STAT5B: variants seen among roughly 807,000 people sequenced by gnomAD.
STAT5B encodes the protein signal transducer and activator of transcription 5B.
STAT5B carries 21 observed loss-of-function variants against 107.8 expected under a neutral mutation model. That is an observed-to-expected ratio of 0.19 (90% confidence interval 0.14 to 0.28). The LOEUF (loss-of-function observed/expected upper bound fraction) is 0.28, where lower values mean the gene tolerates loss of function less well. Among genes scored for constraint, STAT5B ranks in the 10% least tolerant of loss-of-function variants. STAT5B has a pLI of 1.00. For missense variants in STAT5B, 565 were observed against 1,008.2 expected (o/e 0.56, Z 5.95); for synonymous variants, 325 against 401.7 (o/e 0.81, Z 2.28).
the STAT5B span, among the ~76,000 whole-genome samples, chr17:42,287,337 C>CGCCCG: frequency 5.8e-4 from 87 of 151,140 alleles, no homozygotes; most frequent in Middle Eastern, 3.4e-3. Context: ...TGCACCCCCC[C>CGCCCG]CAACAGAACA....
At chr17:42,218,396 T>C in intron 8 of STAT5B, 66 bp from the exon 9 acceptor site, 1 of 1,576,530 alleles carries the variant, frequency 6.3e-7, no homozygotes, top group Non-Finnish European at 8.6e-7. Context: ...TCTCAGTCCC[T>C]CTGTGGTGGG....
chr17:42,227,143 A>ATAAATAAATAAAT (rs1410298861), intron 3 of STAT5B, among the ~76,000 whole-genome samples: 1 of 148,090 alleles, frequency 6.8e-6, no homozygotes, highest in African/African-American at 2.5e-5. Context: ...TCAAAAATAA[A>ATAAATAAATAAAT]TAAATAAATA....
At chr17:42,253,511 T>C (rs1231368772) in intron 1 of STAT5B, among the ~76,000 whole-genome samples, 1 of 152,200 alleles carries the variant, frequency 6.6e-6, no homozygotes, top group East Asian at 1.9e-4. Flanking sequence ...TTGGGAGATG[T>C]AGGGGCAGGG....
At chr17:42,266,858 A>C (rs756235693) in intron 1 of STAT5B, among the ~76,000 whole-genome samples, 4 of 152,208 alleles carry the variant, frequency 2.6e-5, no homozygotes, top group Non-Finnish European at 5.9e-5. Flanking sequence ...GAGAAAGGCC[A>C]ATCTCTTCAT....
intron 1 of STAT5B, among the ~76,000 whole-genome samples, chr17:42,262,904 ATGTG>A (rs1327887435): frequency 1.5e-4 from 18 of 120,698 alleles, no homozygotes; most frequent in African/African-American, 5.1e-4. Flanking sequence ...GTGTATATAT[ATGTG>A]TATATATATG....
At chr17:42,210,101 A>G in intron 15 of STAT5B, 70 bp downstream of exon 15, 1 of 1,610,252 alleles carries the variant, frequency 6.2e-7, no homozygotes, top group Non-Finnish European at 8.5e-7. Context: ...AGTACCCACT[A>G]AATTATTTGT....
chr17:42,278,235 A>G (rs908500734), upstream of STAT5B, among the ~76,000 whole-genome samples: 1 of 152,166 alleles, frequency 6.6e-6, no homozygotes, highest in Non-Finnish European at 1.5e-5. Context: ...GTTGAAGGAC[A>G]ATTTCATGTT....
At chr17:42,272,476 T>A (rs2080729132) in intron 1 of STAT5B, 1 of 152,220 alleles carries the variant, frequency 6.6e-6, no homozygotes, top group Admixed American at 6.5e-5. Flanking sequence ...ACCTCCATTT[T>A]TCTGTAAATT....
In STAT5B at chr17:42,247,753, G is replaced by C. The variant is rs368442967; in HGVS notation, c.-10-15616C>G. 1.8e-4 allele frequency among the ~76,000 whole-genome samples: 27 copies of C among 152,206 alleles called. 1 individual carries two copies. In the South Asian group the frequency reaches 4.1e-3, roughly 23 times the overall value. On this transcript the variant is annotated intron_variant, in intron 1 of 18. Coordinates refer to ENST00000293328, the MANE Select transcript of STAT5B (RefSeq NM_012448.4). ...ACCTGAGCTCAGGAGTTCAAGACCA[G>C]CTTGGGCAACATATCAAGGCTCTGT...
At chr17:42,227,894 C>A (rs567698184) in intron 2 of STAT5B, among the ~76,000 whole-genome samples, 1 of 151,878 alleles carries the variant, frequency 6.6e-6, no homozygotes, top group Non-Finnish European at 1.5e-5. Flanking sequence ...AGTAGATTTC[C>A]TTCTTTTAAA....
chr17:42,271,380 T>C (rs775730593), intron 1 of STAT5B: 3 of 152,272 alleles, frequency 2.0e-5, no homozygotes, highest in Non-Finnish European at 4.4e-5. Flanking sequence ...GGCTCATTGA[T>C]GTATTTCCCC....
chr17:42,228,316 C>T (rs1010697249), intron 2 of STAT5B, among the ~76,000 whole-genome samples: 1 of 152,186 alleles, frequency 6.6e-6, no homozygotes, highest in Non-Finnish European at 1.5e-5. Context: ...AGGAAAACCA[C>T]GCTACAGACT....
intron 15 of STAT5B, 89 bp from the exon 16 acceptor site, chr17:42,207,817 G>T: frequency 7.1e-7 from 1 of 1,414,010 alleles, no homozygotes; most frequent in Non-Finnish European, 9.8e-7. Context: ...ATTCAAGCTT[G>T]CCATTATAAT....
At chr17:42,261,315 G>A (rs538451272) in intron 1 of STAT5B, among the ~76,000 whole-genome samples, 2 of 152,306 alleles carry the variant, frequency 1.3e-5, no homozygotes, top group South Asian at 4.1e-4. Context: ...ATTTATTTAT[G>A]TAGGCATATT....
upstream of STAT5B, among the ~76,000 whole-genome samples, chr17:42,278,236 AT>A (rs1226471277): frequency 1.3e-5 from 2 of 152,070 alleles, no homozygotes; most frequent in Non-Finnish European, 2.9e-5. Flanking sequence ...TTGAAGGACA[AT>A]TTCATGTTTT....
chr17:42,269,018 A>G lies in STAT5B; in HGVS notation c.-11+7230T>C, dbSNP rs149088748. On this transcript the variant is annotated intron_variant, in intron 1 of 18. Coordinates refer to ENST00000293328, the MANE Select transcript of STAT5B (RefSeq NM_012448.4). ...ATTTAGCCCAGGTTAGATTTTTTAAAATCCCACTCCTTCAAAAACAGTGAC... is the reference window on the plus strand; with the variant it reads ...ATTTAGCCCAGGTTAGATTTTTTAAGATCCCACTCCTTCAAAAACAGTGAC... Among the ~76,000 whole-genome samples the G allele has an allele frequency of 1.1e-3, 175 of 152,290 alleles. 1 individual carries two copies. Among genetic ancestry groups the G allele is most frequent in the African/African-American group, 4.1e-3 (172 of 41,572 alleles).
intron 1 of STAT5B, among the ~76,000 whole-genome samples, chr17:42,243,184 TAAATA>T (rs2080419939): frequency 1.1e-5 from 1 of 90,608 alleles, no homozygotes; most frequent in Non-Finnish European, 2.0e-5. Context: ...TTAAAAAAAA[TAAATA>T]AAAAAAAAAT....
chr17:42,272,185 G>GA (rs2080726758), intron 1 of STAT5B: 1 of 152,174 alleles, frequency 6.6e-6, no homozygotes, highest in Non-Finnish European at 1.5e-5. Context: ...GAGAGTAAAG[G>GA]AAGAGTTTTA....
chr17:42,274,028 G>A (rs2080742761), intron 1 of STAT5B, among the ~76,000 whole-genome samples: 1 of 152,036 alleles, frequency 6.6e-6, no homozygotes, highest in South Asian at 2.1e-4. Context: ...TCCAAACGAT[G>A]ATAGCACATT....
Sources: allele counts gnomAD v4.1 joint callset (sites outside exome capture counted in the v4.1 genomes callset), GRCh38; gene constraint gnomAD v4.1.1; transcripts MANE v1.5; gene names NCBI Gene and HGNC (gene_info 2026-07-23, HGNC 2026-07-21).